Variants in ATP8A2 observed in about 807,000 individuals in gnomAD.
ATP8A2 encodes phospholipid-transporting ATPase IB.
Under a neutral mutation model 165.6 loss-of-function variants are expected in ATP8A2, and 100 were observed. The observed-to-expected ratio is 0.60, with a 90% CI of 0.51 to 0.71. The LOEUF (loss-of-function observed/expected upper bound fraction) is 0.71, where lower values mean the gene tolerates loss of function less well. Ranked by LOEUF, ATP8A2 falls within the 30% of genes least tolerant of loss-of-function variation. ATP8A2 has a pLI of 0.00. For synonymous variants in ATP8A2, 543 were observed against 548.8 expected, an observed-to-expected ratio of 0.99 and a Z score of 0.15; for missense variants, 1,227 against 1,479.5, an observed-to-expected ratio of 0.83 and a Z score of 2.80.
At chr13:25,962,719 C>T (rs977181361) in intron 34 of ATP8A2, among the ~76,000 whole-genome samples, 1 of 152,190 alleles carries the variant, frequency 6.6e-6, no homozygotes, top group African/African-American at 2.4e-5. Context: ...TTAATCCAAA[C>T]CTTCCAGGGA....
intron 24 of ATP8A2, among the ~76,000 whole-genome samples, chr13:25,617,609 C>G (rs1022163834): frequency 6.6e-6 from 1 of 152,158 alleles, no homozygotes; most frequent in African/African-American, 2.4e-5. Context: ...CTCACTAACT[C>G]CATTCTTGGT....
At chr13:25,696,965 C>T (rs1490194625) in intron 24 of ATP8A2, among the ~76,000 whole-genome samples, 2 of 152,124 alleles carry the variant, frequency 1.3e-5, no homozygotes, top group Non-Finnish European at 2.9e-5. Context: ...TGACAGATTA[C>T]CATAACAGAT....
Position 25,904,720 on chromosome 13 carries a change from T to A in ATP8A2, c.3183+42312T>A, listed in dbSNP as rs74527763. ...CCTCACATCTCCCCCCGGTAATTAA[T>A]GGTTGCTTATATAACACATTGTGTG... On this transcript the variant is annotated intron_variant, in intron 33 of 36. Coordinates refer to ENST00000381655, the MANE Select transcript of ATP8A2 (RefSeq NM_016529.6). Among the ~76,000 whole-genome samples, 609 of 152,330 alleles carry A rather than the reference T, an allele frequency of 4.0e-3. 2 individuals are homozygous for A. Among genetic ancestry groups the A allele is most frequent in the African/African-American group, 0.014 (581 of 41,568 alleles).
intron 30 of ATP8A2, among the ~76,000 whole-genome samples, chr13:25,842,768 A>G (rs534846254): frequency 6.6e-6 from 1 of 152,134 alleles, no homozygotes; most frequent in South Asian, 2.1e-4. Flanking sequence ...GGTTGGAAGG[A>G]AAGAAGGAGG....
At position 25,821,123 on chromosome 13, in the gene ATP8A2, A is replaced by G. The variant is rs942349021; in HGVS notation, c.2680-6995A>G. ...AACTGATAAAAATTAGTGCAAACATATCAAAAGTCTTTGAAGAAACATGTG... is the reference window on the plus strand; with the variant it reads ...AACTGATAAAAATTAGTGCAAACATGTCAAAAGTCTTTGAAGAAACATGTG... On this transcript the variant is annotated intron_variant, in intron 27 of 36. Coordinates refer to ENST00000381655, the MANE Select transcript of ATP8A2 (RefSeq NM_016529.6). Among the ~76,000 whole-genome samples, 6 of 152,348 alleles carry G rather than the reference A, an allele frequency of 3.9e-5. No individual in the cohort carries two copies. In the South Asian group the frequency reaches 8.3e-4, roughly 21 times the overall value.
intron 16 of ATP8A2, among the ~76,000 whole-genome samples, chr13:25,564,925 A>G (rs2138142496): frequency 6.6e-6 from 1 of 151,758 alleles, no homozygotes; most frequent in East Asian, 2.0e-4. Context: ...GCGTCCTCAT[A>G]GTTTAGCTCC....
intron 33 of ATP8A2, among the ~76,000 whole-genome samples, chr13:25,951,013 C>A (rs1021766364): frequency 6.6e-6 from 1 of 152,178 alleles, no homozygotes; most frequent in Non-Finnish European, 1.5e-5. Flanking sequence ...TGTGGAGCAA[C>A]CGGAATGCGC....
chr13:25,630,958 G>C (rs982221732), intron 24 of ATP8A2, among the ~76,000 whole-genome samples: 6 of 152,140 alleles, frequency 3.9e-5, no homozygotes, highest in Admixed American at 2.6e-4. Flanking sequence ...GCCTTTGGCT[G>C]TGCTGGAGGC....
At chr13:25,431,497 G>C (rs563379013) in intron 1 of ATP8A2, among the ~76,000 whole-genome samples, 1 of 143,018 alleles carries the variant, frequency 7.0e-6, no homozygotes, top group Non-Finnish European at 1.6e-5. Context: ...CTTTTACTTC[G>C]GCGGCGGGGG....
chr13:25,427,221 A>G (rs1593292078), intron 1 of ATP8A2, among the ~76,000 whole-genome samples: 4 of 152,094 alleles, frequency 2.6e-5, no homozygotes, highest in Admixed American at 2.6e-4. Context: ...CTCCTGTCAG[A>G]TCAGCGGCAG....
chr13:25,764,670 A>T (rs1317206721), intron 25 of ATP8A2, among the ~76,000 whole-genome samples: 1 of 152,238 alleles, frequency 6.6e-6, no homozygotes, highest in African/African-American at 2.4e-5. Context: ...TTGGAAACTC[A>T]TTGATCTAGG....
In ATP8A2 at chr13:25,750,578, C is replaced by T. The variant is rs1352956755; in HGVS notation, c.2385-18468C>T. ...GGGAGCACCGTAGATACTTTCAGTT[C>T]AGCAGGGCCCTTCGCCCCACCACGT... On this transcript the variant is annotated intron_variant, in intron 25 of 36. Coordinates refer to ENST00000381655, the MANE Select transcript of ATP8A2 (RefSeq NM_016529.6). This position sits in a 1 kb window ranked among gnomAD's most constrained non-coding sequence, Gnocchi z 4.3. Among the ~76,000 whole-genome samples the T allele has an allele frequency of 6.6e-6, 1 of 152,206 alleles. No homozygotes were observed. The highest frequency in any genetic ancestry group is 2.4e-5 in the African/African-American group (1 of 41,458).
chr13:25,807,088 A>G (rs1320712013), intron 27 of ATP8A2, among the ~76,000 whole-genome samples: 1 of 150,328 alleles, frequency 6.7e-6, no homozygotes, highest in African/African-American at 2.4e-5. Context: ...CAAATCCTAT[A>G]TGAGATATAT....
chr13:25,672,179 A>G (rs1340248158), intron 24 of ATP8A2, among the ~76,000 whole-genome samples: 3 of 151,444 alleles, frequency 2.0e-5, no homozygotes, highest in Admixed American at 2.0e-4. Context: ...CCTGTCTCTC[A>G]TATGTTTGTT....
At chr13:25,504,123 A>G (rs1566192815) in intron 2 of ATP8A2, among the ~76,000 whole-genome samples, 1 of 152,218 alleles carries the variant, frequency 6.6e-6, no homozygotes, top group Non-Finnish European at 1.5e-5. Context: ...GCCTCACTCC[A>G]GTGGAAAGTT....
chr13:25,387,004 A>AAG (rs1430083841), intron 1 of ATP8A2, among the ~76,000 whole-genome samples: 1 of 151,066 alleles, frequency 6.6e-6, no homozygotes. Flanking sequence ...CTCAAAAAAA[A>AAG]CAGAACAAAA....
In ATP8A2 at chr13:26,022,668, C is replaced by T. The variant is rs1367626125; in HGVS notation, c.*2683C>T. 6.6e-6 allele frequency: 1 copy of T among 152,220 alleles called. No individual in the cohort carries two copies. Among genetic ancestry groups the T allele is most frequent in the East Asian group, 1.9e-4 (1 of 5,190 alleles). 9.4% of individuals were successfully genotyped at this position (152,220 alleles called of 1,614,324 possible). On this transcript the variant is annotated 3_prime_UTR_variant, in exon 37 of 37. Transcript: ENST00000381655. ...ATGTATAATATTTAGCCAGGGCCAACTCAGGGGCTGTGTCATTTGTCCTAT... is the reference window on the plus strand; with the variant it reads ...ATGTATAATATTTAGCCAGGGCCAATTCAGGGGCTGTGTCATTTGTCCTAT...
At chr13:25,972,378 C>G (rs1372841905) in intron 35 of ATP8A2, among the ~76,000 whole-genome samples, 1 of 152,136 alleles carries the variant, frequency 6.6e-6, no homozygotes, top group Non-Finnish European at 1.5e-5. Context: ...CATGAAGAAG[C>G]AGATAATGAG....
Position 25,564,037 on chromosome 13 carries a change from T to C in ATP8A2, c.1473+6T>C, listed in dbSNP as rs1450179737. On this transcript the variant is annotated splice_donor_region_variant and intron_variant, in intron 16 of 36. Coordinates refer to ENST00000381655, the MANE Select transcript of ATP8A2 (RefSeq NM_016529.6). ...AGAACATTGAGGATCGCCATGTAAG[T>C]GCTCTGTTTTACTTCGAAGACAGCA... is the stretch of plus-strand genomic sequence containing the variant. 3 of 1,605,026 alleles carry C rather than the reference T, an allele frequency of 1.9e-6. No homozygotes were observed. The highest frequency in any genetic ancestry group is 2.7e-5 in the African/African-American group (2 of 74,728).
Sources: allele counts gnomAD v4.1 joint callset (sites outside exome capture counted in the v4.1 genomes callset), GRCh38; gene constraint gnomAD v4.1.1; non-coding constraint Gnocchi (gnomAD v3.1); transcripts MANE v1.5; gene names NCBI Gene and HGNC (gene_info 2026-07-23, HGNC 2026-07-21).